Variants in GLG1 observed in about 807,000 individuals in gnomAD.
GLG1 encodes golgi glycoprotein 1, also known as Golgi apparatus protein 1.
Under a neutral mutation model 160.5 loss-of-function variants are expected in GLG1, and 38 were observed. The observed-to-expected ratio is 0.24, with a 90% confidence interval of 0.18 to 0.31. GLG1 has a LOEUF of 0.31. Among genes scored for constraint, GLG1 ranks in the 10% least tolerant of loss-of-function variants. GLG1 has a pLI of 1.00. For synonymous variants in GLG1, 644 were observed against 543.4 expected (o/e 1.19, Z -2.57); for missense variants, 1,373 against 1,505.2 (o/e 0.91, Z 1.45).
intron 3 of GLG1, among the ~76,000 whole-genome samples, chr16:74,507,067 T>C (rs1248397781): frequency 1.3e-5 from 2 of 152,200 alleles, no homozygotes; most frequent in Admixed American, 6.6e-5. Flanking sequence ...TCCCTGGAAG[T>C]AGGATTCCAA....
chr16:74,595,625 T>C (rs1448685061), intron 1 of GLG1, among the ~76,000 whole-genome samples: 1 of 152,246 alleles, frequency 6.6e-6, no homozygotes, highest in Non-Finnish European at 1.5e-5. Flanking sequence ...TATTCTTCTC[T>C]TATGACACTT....
intron 1 of GLG1, among the ~76,000 whole-genome samples, chr16:74,605,738 T>C (rs1424330618): frequency 1.3e-5 from 2 of 151,956 alleles, no homozygotes; most frequent in Non-Finnish European, 2.9e-5. Context: ...AAATCTGATA[T>C]TTAAAAAAAA....
rs372888110 is a variant in GLG1 at position 74,524,401 on chromosome 16, T to G, written c.471+7720A>C. 2.8e-4 allele frequency among the ~76,000 whole-genome samples: 42 copies of G among 152,316 alleles called. 1 individual carries two copies. Among genetic ancestry groups the G allele is most frequent in the East Asian group, 2.5e-3 (13 of 5,188 alleles). ...AGTACGATGCTTGCTGTAGGCCTTT[T>G]TATAGACACGTTTTATCAGATTAAA... is the stretch of plus-strand genomic sequence containing the variant. On this transcript the variant is annotated intron_variant, in intron 2 of 25. Transcript: ENST00000422840.
In GLG1 at chr16:74,496,651, T is replaced by G. The variant is rs780455574; in HGVS notation, c.775-7A>C. On this transcript the variant is annotated splice_polypyrimidine_tract_variant and splice_region_variant and intron_variant, in intron 4 of 25. Transcript: ENST00000422840. The stretch of plus-strand genomic sequence containing the variant: ...CACCTTGTGAATGTGCATCCTAAAA[T>G]AGCGAGGATATTAATATTTTAAAAC... 2 of 1,588,152 alleles carry G rather than the reference T, an allele frequency of 1.3e-6. No individual in the cohort carries two copies. Among genetic ancestry groups the G allele is most frequent in the Non-Finnish European group, 1.7e-6 (2 of 1,157,218 alleles).
chr16:74,600,108 A>T (rs951421505), intron 1 of GLG1, among the ~76,000 whole-genome samples: 1 of 152,244 alleles, frequency 6.6e-6, no homozygotes, highest in Admixed American at 6.5e-5. Flanking sequence ...AGCATGTGCT[A>T]TTGGTAATAT....
chr16:74,531,782 G>A (rs118066943), intron 2 of GLG1, among the ~76,000 whole-genome samples: 2,382 of 152,238 alleles, frequency 0.016, 32 homozygotes, highest in Non-Finnish European at 0.022. Flanking sequence ...TGCTACTATA[G>A]CGTTTGGCAA....
intron 13 of GLG1, among the ~76,000 whole-genome samples, chr16:74,473,368 C>T (rs1417924557): frequency 6.6e-6 from 1 of 151,940 alleles, no homozygotes. Flanking sequence ...CATGTTTTAC[C>T]ACGCCCAGCT....
chr16:74,579,759 A>G (rs1163332136), intron 1 of GLG1, among the ~76,000 whole-genome samples: 1 of 150,646 alleles, frequency 6.6e-6, no homozygotes. Context: ...CCCTCAAGAG[A>G]TCTTCATATG....
At chr16:74,500,077 T>C (rs2016351650) in intron 4 of GLG1, among the ~76,000 whole-genome samples, 1 of 152,206 alleles carries the variant, frequency 6.6e-6, no homozygotes, top group African/African-American at 2.4e-5. Flanking sequence ...TTCAGATAAA[T>C]ATTTTTTTCA....
intron 25 of GLG1, 69 bp downstream of exon 25, chr16:74,456,580 A>T: frequency 1.1e-6 from 1 of 921,224 alleles, no homozygotes. Flanking sequence ...CTCAAGGATG[A>T]CATGCAAATT....
At chr16:74,593,430 CTTTTTTTT>C (rs11342633) in intron 1 of GLG1, among the ~76,000 whole-genome samples, 7 of 96,416 alleles carry the variant, frequency 7.3e-5, no homozygotes, top group Non-Finnish European at 1.4e-4. Context: ...AGTACCAGAG[CTTTTTTTT>C]TTTTTTTTTT....
chr16:74,508,989 A>G (rs2016711662), intron 2 of GLG1, 64 bp from the exon 3 acceptor site: 2 of 727,872 alleles, frequency 2.7e-6, no homozygotes, highest in East Asian at 4.9e-5. Flanking sequence ...GAAATTTATT[A>G]TCAACGTTAA....
chr16:74,458,092 A>C (rs2014634149), intron 23 of GLG1, 98 bp from the exon 24 acceptor site: 1 of 1,227,426 alleles, frequency 8.1e-7, no homozygotes, highest in African/African-American at 1.5e-5. Flanking sequence ...AAAGGGGGGA[A>C]GTTGAGGGCT....
rs72792707 is a variant in GLG1, at chr16:74,588,881, G to C, written c.438+17776C>G. Among the ~76,000 whole-genome samples the C allele has an allele frequency of 1.6e-3, 243 of 151,612 alleles. 1 individual carries two copies. The highest frequency in any genetic ancestry group is 2.1e-3 in the Non-Finnish European group (141 of 67,924). On this transcript the variant is annotated intron_variant, in intron 1 of 25. Transcript: ENST00000422840. ...TAAACTGAAAGCTAAATAGCAACTT[G>C]ACTAAGAATAATCAAATAGGGAAAA... is the stretch of plus-strand genomic sequence containing the variant.
At chr16:74,592,253 C>T (rs2143868031) in intron 1 of GLG1, among the ~76,000 whole-genome samples, 1 of 152,328 alleles carries the variant, frequency 6.6e-6, no homozygotes, top group South Asian at 2.1e-4. Flanking sequence ...AGCGATTCTC[C>T]TGCCTCAGCC....
chr16:74,581,989 C>A (rs937498729), intron 1 of GLG1, among the ~76,000 whole-genome samples: 2 of 152,052 alleles, frequency 1.3e-5, no homozygotes, highest in Non-Finnish European at 2.9e-5. Flanking sequence ...CTTGAACCCT[C>A]TCCTCCTTCC....
At chr16:74,553,597 C>A (rs1451948929) in intron 1 of GLG1, among the ~76,000 whole-genome samples, 1 of 151,410 alleles carries the variant, frequency 6.6e-6, no homozygotes, top group African/African-American at 2.4e-5. Flanking sequence ...CTCAGCCTCC[C>A]GAGTAGCTGG....
At chr16:74,468,852 T>A (rs1223222005) in intron 17 of GLG1, 94 bp downstream of exon 17, 1 of 767,358 alleles carries the variant, frequency 1.3e-6, no homozygotes, top group East Asian at 2.5e-5. Context: ...ATCACAGTAG[T>A]GGATAAAATG....
At chr16:74,543,330 A>C (rs931769626) in intron 1 of GLG1, among the ~76,000 whole-genome samples, 1 of 152,236 alleles carries the variant, frequency 6.6e-6, no homozygotes, top group African/African-American at 2.4e-5. Flanking sequence ...GGCCAGGCTC[A>C]GTGGCACATG....
Sources: gnomAD v4.1 joint callset for allele counts (sites outside exome capture counted in the v4.1 genomes callset) on GRCh38, gnomAD v4.1.1 for gene constraint, MANE v1.5 for transcripts, NCBI Gene and HGNC (gene_info 2026-07-23, HGNC 2026-07-21) for gene names.